The following HADHB variants were observed in gnomAD, a reference collection of about 807,000 sequenced individuals.
The protein encoded by HADHB is hydroxyacyl-CoA dehydrogenase trifunctional multienzyme complex subunit beta, also known as trifunctional enzyme subunit beta, mitochondrial.
In HADHB, 50 loss-of-function variants were observed where a neutral mutation model predicts 61.9. The observed-to-expected ratio is 0.81, with a 90% CI of 0.64 to 1.02. The LOEUF is 1.02. Among genes scored for constraint, HADHB ranks in the 50% least tolerant of loss-of-function variants. The probability of loss-of-function intolerance (pLI) is 0.00; values close to 1 mark genes in which losing one functional copy is unlikely to be tolerated. For missense variants in HADHB, 504 were observed against 586.5 expected, an observed-to-expected ratio of 0.86 and a Z score of 1.45; for synonymous variants, 191 against 201.6, an observed-to-expected ratio of 0.95 and a Z score of 0.45.
chr2:26,279,955 G>A, intron 9 of HADHB, 39 bp from the exon 10 acceptor site: 2 of 1,491,642 alleles, frequency 1.3e-6, no homozygotes, highest in Admixed American at 1.7e-5. Flanking sequence ...TATAAGGCTT[G>A]TGGTTCCATA....
At chr2:26,262,654 A>C (rs1231018611) in intron 3 of HADHB, among the ~76,000 whole-genome samples, 1 of 152,238 alleles carries the variant, frequency 6.6e-6, no homozygotes, top group Non-Finnish European at 1.5e-5. Context: ...GCAAGTCACC[A>C]ACCAAGTGCC....
At chr2:26,289,467 A>G (rs1673177461) in intron 15 of HADHB, among the ~76,000 whole-genome samples, 1 of 148,994 alleles carries the variant, frequency 6.7e-6, no homozygotes, top group Non-Finnish European at 1.5e-5. Flanking sequence ...TTTCCCCTCT[A>G]GAAACTTACT....
intron 3 of HADHB, among the ~76,000 whole-genome samples, chr2:26,261,817 C>A (rs191930082): frequency 6.6e-6 from 1 of 151,668 alleles, no homozygotes; most frequent in African/African-American, 2.4e-5. Flanking sequence ...AAAACCAGTT[C>A]TCACTTTGTT....
chr2:26,288,708 C>CAA lies in HADHB; in HGVS notation c.1390-1203_1390-1202dup, dbSNP rs112810862. 9.9e-3 allele frequency among the ~76,000 whole-genome samples: 1,496 copies of CAA among 151,142 alleles called. 22 individuals are homozygous for CAA. Among genetic ancestry groups the CAA allele is most frequent in the African/African-American group, 0.034 (1,416 of 41,176 alleles). On this transcript the variant is annotated intron_variant, in intron 15 of 15. Coordinates refer to ENST00000317799, the MANE Select transcript of HADHB (RefSeq NM_000183.3). ...TGGGTGACAGAGGGAGGCCCTGTTT[C>CAA]AAAAAAAACAGAAAAACCAAGTACT...
chr2:26,283,793 C>T (rs984862614), intron 12 of HADHB, among the ~76,000 whole-genome samples: 10 of 152,214 alleles, frequency 6.6e-5, no homozygotes, highest in Non-Finnish European at 1.3e-4. Context: ...CCTCTAGCCT[C>T]CACTGTGACG....
At chr2:26,260,051 A>T (rs572407504) in intron 3 of HADHB, among the ~76,000 whole-genome samples, 1 of 151,894 alleles carries the variant, frequency 6.6e-6, no homozygotes, top group African/African-American at 2.4e-5. Context: ...CTGAAAGTAT[A>T]TAAAAGGAAT....
At position 26,280,409 on chromosome 2, in the gene HADHB, T is replaced by G. The variant is rs551586536; in HGVS notation, c.933+294T>G. Among the ~76,000 whole-genome samples, 3 of 152,222 alleles carry G rather than the reference T, an allele frequency of 2.0e-5. No individual in the cohort carries two copies. The East Asian group carries it at 5.8e-4, about 29-fold the overall frequency. On this transcript the variant is annotated intron_variant, in intron 10 of 15. Transcript: ENST00000317799. ...CCTGGAAATGAAAAGAATAGACAAT[T>G]GCAATATAGTGAGATGCTGTGATGG...
At chr2:26,247,470 G>T (rs1400060909) in intron 1 of HADHB, among the ~76,000 whole-genome samples, 1 of 152,054 alleles carries the variant, frequency 6.6e-6, no homozygotes, top group East Asian at 1.9e-4. Flanking sequence ...CCACCACCCG[G>T]AGATAACTAC....
intron 3 of HADHB, among the ~76,000 whole-genome samples, chr2:26,255,716 T>A (rs1292473582): frequency 6.6e-6 from 1 of 152,224 alleles, no homozygotes; most frequent in Non-Finnish European, 1.5e-5. Flanking sequence ...CAAAGCACTT[T>A]AAAAACTATA....
intron 4 of HADHB, among the ~76,000 whole-genome samples, chr2:26,264,577 A>C (rs1471785759): frequency 6.6e-6 from 1 of 150,578 alleles, no homozygotes; most frequent in African/African-American, 2.4e-5. Context: ...AAAAAAAGCA[A>C]GGTGCACAGT....
intron 10 of HADHB, 133 bp downstream of exon 10, chr2:26,280,248 A>G (rs1672731159): frequency 1.3e-6 from 1 of 786,826 alleles, no homozygotes; most frequent in Non-Finnish European, 2.2e-6. Context: ...TTAATGTGAA[A>G]GTGGAGTCAT....
At chr2:26,260,081 G>GGT (rs965472525) in intron 3 of HADHB, among the ~76,000 whole-genome samples, 2 of 133,568 alleles carry the variant, frequency 1.5e-5, no homozygotes, top group African/African-American at 5.5e-5. Context: ...GTTTTTTCTG[G>GGT]TTTTTTTTTT....
chr2:26,259,364 A>G (rs1671768444), intron 3 of HADHB, among the ~76,000 whole-genome samples: 1 of 152,360 alleles, frequency 6.6e-6, no homozygotes, highest in South Asian at 2.1e-4. Context: ...AGGCACAGTG[A>G]TGAAAGCCTG....
chr2:26,269,554 A>G (rs181140555), intron 4 of HADHB, among the ~76,000 whole-genome samples: 1 of 152,324 alleles, frequency 6.6e-6, no homozygotes, highest in African/African-American at 2.4e-5. Context: ...AAGTTTCTTC[A>G]AAAGTCCTAA....
intron 8 of HADHB, among the ~76,000 whole-genome samples, 166 bp downstream of exon 8, chr2:26,278,967 T>C (rs993480438): frequency 1.3e-5 from 2 of 152,242 alleles, no homozygotes; most frequent in African/African-American, 4.8e-5. Context: ...CTTTAATTTG[T>C]GAGCCCTCTT....
chr2:26,283,539 T>C (rs1672891071), intron 12 of HADHB, among the ~76,000 whole-genome samples: 1 of 152,096 alleles, frequency 6.6e-6, no homozygotes, highest in Non-Finnish European at 1.5e-5. Context: ...AATAAATAAA[T>C]AAATAAAATA....
At chr2:26,267,644 C>T (rs182302453) in intron 4 of HADHB, among the ~76,000 whole-genome samples, 39 of 151,388 alleles carry the variant, frequency 2.6e-4, no homozygotes, top group Admixed American at 1.3e-3. Flanking sequence ...TGGTGGCAGG[C>T]GCCTATAATC....
At chr2:26,261,450 G>C (rs1240356010) in intron 3 of HADHB, 2 of 165,998 alleles carry the variant, frequency 1.2e-5, no homozygotes, top group African/African-American at 4.8e-5. Flanking sequence ...ATATCCACCT[G>C]GTTGTCTCTC....
Position 26,279,187 on chromosome 2 carries a change from A to C in HADHB, c.683A>C (p.Asp228Ala), listed in dbSNP as rs1260636485. 1.2e-6 allele frequency: 2 copies of C among 1,613,728 alleles called. No homozygotes were observed. The highest frequency in any genetic ancestry group is 1.7e-6 in the Non-Finnish European group (2 of 1,179,680). Reference sequence around the variant, plus strand: ...AGTGAGACCATGGGCCACTCTGCAGACCGACTGGCCGCTGCCTTTGCTGTT... The same window carrying C: ...AGTGAGACCATGGGCCACTCTGCAGCCCGACTGGCCGCTGCCTTTGCTGTT... ...STSETMGHSA[D>A]RLAAAFAVSR... is the part of the protein sequence containing the mutation. The change falls in exon 9 of 16, where the codon GAC (aspartate) becomes GCC (alanine). Residue 228 changes from aspartate (D) to alanine (A), a missense_variant. Asp to Ala is a moderately radical substitution (Grantham distance 126). Transcript: ENST00000317799.
Sources: gnomAD v4.1 joint callset for allele counts (sites outside exome capture counted in the v4.1 genomes callset) on GRCh38, gnomAD v4.1.1 for gene constraint, MANE v1.5 for transcripts, NCBI Gene and HGNC (gene_info 2026-07-23, HGNC 2026-07-21) for gene names.